Variants in ADAMTS3 observed in about 807,000 individuals in gnomAD.
ADAMTS3 encodes ADAM metallopeptidase with thrombospondin type 1 motif 3.
In ADAMTS3, 73 loss-of-function variants were observed where a neutral mutation model predicts 129.0. The observed-to-expected ratio is 0.57, with a 90% CI of 0.47 to 0.69. ADAMTS3 has a LOEUF of 0.69. Ranked by LOEUF, ADAMTS3 falls within the 30% of genes least tolerant of loss-of-function variation. The probability of loss-of-function intolerance (pLI) is 0.00; values close to 1 mark genes in which losing one functional copy is unlikely to be tolerated. For synonymous variants in ADAMTS3, 477 were observed against 510.8 expected (o/e 0.93, Z 0.89); for missense variants, 1,457 against 1,514.5 (o/e 0.96, Z 0.63).
chr4:72,364,990 T>A (rs983003448), intron 4 of ADAMTS3, among the ~76,000 whole-genome samples: 2 of 152,170 alleles, frequency 1.3e-5, no homozygotes. Flanking sequence ...ATTAATTCAA[T>A]AAAATTATTG....
rs1219324152 is a variant in ADAMTS3, at chr4:72,414,909, C to A, written c.567G>T (p.Gln189His). 2.5e-6 allele frequency: 4 copies of A among 1,583,438 alleles called. No homozygotes were observed. The highest frequency in any genetic ancestry group is 2.4e-5 in the East Asian group (1 of 42,086). ...GAATCCTTCCTTTTTCTTCCTCCAT[C>A]TGTTTACCTCTTTCCAAGGGTTCAA... ...YFIEPLERGKQMEEEKGRIHV... is the reference protein window; with the variant it reads ...YFIEPLERGKHMEEEKGRIHV... Residue 189 changes from glutamine (Q) to histidine (H), a missense_variant, in exon 4 of 22, where the codon CAG becomes CAT. Physicochemically the swap from Gln to His is conservative, Grantham distance 24 (BLOSUM62 0). Coordinates refer to ENST00000286657, the MANE Select transcript of ADAMTS3 (RefSeq NM_014243.3).
At chr4:72,531,174 A>C (rs1032725049) in intron 3 of ADAMTS3, among the ~76,000 whole-genome samples, 1 of 152,082 alleles carries the variant, frequency 6.6e-6, no homozygotes, top group African/African-American at 2.4e-5. Context: ...AGTAGATTCA[A>C]ACATATTTCA....
At chr4:72,459,720 T>C (rs551665464) in intron 3 of ADAMTS3, among the ~76,000 whole-genome samples, 2 of 151,636 alleles carry the variant, frequency 1.3e-5, no homozygotes, top group Non-Finnish European at 3.0e-5. Flanking sequence ...AGGGAAAGGT[T>C]TGAGTAAAGG....
At chr4:72,350,915 T>C (rs1025771710) in intron 4 of ADAMTS3, among the ~76,000 whole-genome samples, 1 of 151,962 alleles carries the variant, frequency 6.6e-6, no homozygotes, top group Non-Finnish European at 1.5e-5. Context: ...GAGTTGTATC[T>C]CTGTATGGCT....
At chr4:72,469,739 A>C (rs1283028085) in intron 3 of ADAMTS3, among the ~76,000 whole-genome samples, 6 of 152,090 alleles carry the variant, frequency 3.9e-5, no homozygotes, top group Non-Finnish European at 7.4e-5. Flanking sequence ...TAGCCTATTC[A>C]CTGTGAGGAC....
intron 3 of ADAMTS3, among the ~76,000 whole-genome samples, chr4:72,436,215 A>C (rs1191553848): frequency 2.6e-5 from 4 of 152,218 alleles, no homozygotes; most frequent in African/African-American, 9.6e-5. Context: ...GACACTTCTC[A>C]AAAGAAGATA....
At chr4:72,558,946 T>C (rs1234211950) in intron 2 of ADAMTS3, among the ~76,000 whole-genome samples, 4 of 151,754 alleles carry the variant, frequency 2.6e-5, no homozygotes, top group Non-Finnish European at 4.4e-5. Context: ...ATCTCTCTTC[T>C]GGAGTGAAAG....
At chr4:72,529,885 A>G (rs1337770869) in intron 3 of ADAMTS3, among the ~76,000 whole-genome samples, 1 of 70,276 alleles carries the variant, frequency 1.4e-5, no homozygotes, top group Non-Finnish European at 2.5e-5. Context: ...TATATATAAT[A>G]TATTATATAT....
intron 3 of ADAMTS3, among the ~76,000 whole-genome samples, chr4:72,485,510 AT>A (rs903906885): frequency 1.7e-3 from 251 of 149,904 alleles, no homozygotes; most frequent in African/African-American, 5.3e-3. Context: ...TTAACAGGTT[AT>A]TTTTTTTTTA....
At chr4:72,542,969 C>G (rs1721371816) in intron 3 of ADAMTS3, among the ~76,000 whole-genome samples, 1 of 152,044 alleles carries the variant, frequency 6.6e-6, no homozygotes. Flanking sequence ...GTCTTTTTCT[C>G]TCGGAAAGAT....
chr4:72,568,610 AAGAGAGGAGGGT>A, intron 1 of ADAMTS3, 72 bp downstream of exon 1: 2 of 1,023,986 alleles, frequency 2.0e-6, no homozygotes, highest in East Asian at 2.5e-5. Context: ...AGAAGGAGGA[AAGAGAGGAGGGT>A]AGAGAGGGGA....
chr4:72,402,101 A>G (rs192419577), intron 4 of ADAMTS3, among the ~76,000 whole-genome samples: 124 of 152,210 alleles, frequency 8.1e-4, no homozygotes, highest in African/African-American at 2.7e-3. Flanking sequence ...CCATACTATC[A>G]CCATTAGTTA....
At position 72,449,823 on chromosome 4, in the gene ADAMTS3, A is replaced by G. The variant is rs1269272129; in HGVS notation, c.505-34852T>C. 2.0e-5 allele frequency among the ~76,000 whole-genome samples: 3 copies of G among 151,726 alleles called. No homozygotes were observed. The East Asian group carries it at 5.9e-4, about 30-fold the overall frequency. On this transcript the variant is annotated intron_variant, in intron 3 of 21. Transcript: ENST00000286657. ...TTCTTACTCGTCCTCTCTGCCAGAA[A>G]TGTTTTGCCCCTTAGTTTCTCCACA...
intron 2 of ADAMTS3, among the ~76,000 whole-genome samples, chr4:72,566,872 T>G (rs569445183): frequency 6.6e-6 from 1 of 152,272 alleles, no homozygotes; most frequent in South Asian, 2.1e-4. Context: ...TCTTTCACAT[T>G]AGGAGATAAT....
Position 72,355,291 on chromosome 4 carries a change from T to G in ADAMTS3, c.662-15598A>C, listed in dbSNP as rs546926848. 2.0e-5 allele frequency among the ~76,000 whole-genome samples: 3 copies of G among 152,062 alleles called. No individual in the cohort carries two copies. In the South Asian group the frequency reaches 6.2e-4, roughly 31 times the overall value. On this transcript the variant is annotated intron_variant, in intron 4 of 21. Coordinates refer to ENST00000286657, the MANE Select transcript of ADAMTS3 (RefSeq NM_014243.3). ...TCACATTTCTTCATTTAAATATAAT[T>G]AATATATTCAGCAGTTCCAAAGTAC...
intron 4 of ADAMTS3, among the ~76,000 whole-genome samples, chr4:72,378,791 T>C (rs1721202313): frequency 1.3e-5 from 2 of 152,288 alleles, no homozygotes; most frequent in African/African-American, 4.8e-5. Flanking sequence ...GGCCAGAAGA[T>C]GGTCAGGCCT....
At chr4:72,304,986 T>C (rs1464858396) in intron 16 of ADAMTS3, among the ~76,000 whole-genome samples, 1 of 152,066 alleles carries the variant, frequency 6.6e-6, no homozygotes, top group East Asian at 1.9e-4. Flanking sequence ...GTAGTGAATA[T>C]AAATTAAATG....
intron 4 of ADAMTS3, among the ~76,000 whole-genome samples, chr4:72,382,851 A>G (rs1721329712): frequency 6.6e-6 from 1 of 152,166 alleles, no homozygotes; most frequent in South Asian, 2.1e-4. Flanking sequence ...ATCTGGAAAC[A>G]ATAGACTCTG....
chr4:72,550,114 A>AG (rs1560564362), intron 2 of ADAMTS3, among the ~76,000 whole-genome samples: 6 of 96,602 alleles, frequency 6.2e-5, no homozygotes, highest in South Asian at 3.9e-4. Flanking sequence ...AAGAAGAAGA[A>AG]GAAGGCATAG....
Sources: gnomAD v4.1 joint callset for allele counts (sites outside exome capture counted in the v4.1 genomes callset) on GRCh38, gnomAD v4.1.1 for gene constraint, MANE v1.5 for transcripts, NCBI Gene and HGNC (gene_info 2026-07-23, HGNC 2026-07-21) for gene names.